Variants in PRKG2 observed in about 807,000 individuals in gnomAD.
The protein encoded by PRKG2 is protein kinase cGMP-dependent 2.
In PRKG2, 33 loss-of-function variants were observed where a neutral mutation model predicts 97.2. That is an observed-to-expected ratio of 0.34 (90% confidence interval 0.26 to 0.45). The LOEUF (loss-of-function observed/expected upper bound fraction) is 0.45, where lower values mean the gene tolerates loss of function less well. PRKG2 is among the 20% of genes least tolerant of loss of function. The probability of loss-of-function intolerance (pLI) is 1.00; values close to 1 mark genes in which losing one functional copy is unlikely to be tolerated. For synonymous variants in PRKG2, 330 were observed against 321.8 expected, an observed-to-expected ratio of 1.03 and a Z score of -0.27; for missense variants, 638 against 900.0, an observed-to-expected ratio of 0.71 and a Z score of 3.73.
intron 2 of PRKG2, among the ~76,000 whole-genome samples, chr4:81,177,873 A>G (rs1035524283): frequency 4.6e-5 from 7 of 152,040 alleles, no homozygotes; most frequent in Non-Finnish European, 7.4e-5. Context: ...GTCATGATCT[A>G]CAAGAGAACA....
intron 2 of PRKG2, chr4:81,175,313 T>C (rs1265867558): frequency 1.1e-5 from 2 of 176,286 alleles, no homozygotes; most frequent in East Asian, 1.6e-4. Flanking sequence ...AGGAGTTGTA[T>C]TTAAGGGACT....
At chr4:81,172,946 C>G (rs1279509494) in intron 3 of PRKG2, among the ~76,000 whole-genome samples, 1 of 152,066 alleles carries the variant, frequency 6.6e-6, no homozygotes, top group Non-Finnish European at 1.5e-5. Flanking sequence ...GCTCCAAATC[C>G]TAGAGGTTAG....
At chr4:81,200,879 G>C (rs1044634249) in intron 2 of PRKG2, among the ~76,000 whole-genome samples, 1 of 152,150 alleles carries the variant, frequency 6.6e-6, no homozygotes, top group Non-Finnish European at 1.5e-5. Flanking sequence ...CAGGCTACAT[G>C]CCCACTGCAT....
chr4:81,209,629 T>C (rs910756416), intron 1 of PRKG2, among the ~76,000 whole-genome samples: 21 of 152,158 alleles, frequency 1.4e-4, no homozygotes, highest in African/African-American at 4.1e-4. Flanking sequence ...TAAATCATGA[T>C]GAAAATTTAG....
At chr4:81,151,712 A>G (rs1262194292) in intron 8 of PRKG2, among the ~76,000 whole-genome samples, 1 of 152,042 alleles carries the variant, frequency 6.6e-6, no homozygotes, top group African/African-American at 2.4e-5. Flanking sequence ...CCCTTTTTTG[A>G]AACTAAAAAG....
intron 2 of PRKG2, among the ~76,000 whole-genome samples, chr4:81,199,693 A>T (rs1753182654): frequency 6.6e-6 from 1 of 152,244 alleles, no homozygotes; most frequent in Non-Finnish European, 1.5e-5. Flanking sequence ...CCATGGAAAC[A>T]TTCCTCTTCA....
chr4:81,205,930 A>T (rs1175768442), intron 1 of PRKG2, among the ~76,000 whole-genome samples: 6 of 152,236 alleles, frequency 3.9e-5, no homozygotes, highest in Non-Finnish European at 8.8e-5. Flanking sequence ...GATTTAGTTT[A>T]TTCAGAACTT....
Position 81,190,264 on chromosome 4 carries a change from A to G in PRKG2, c.461+14323T>C, listed in dbSNP as rs536800345. On this transcript the variant is annotated intron_variant, in intron 2 of 18. Coordinates refer to ENST00000264399, the MANE Select transcript of PRKG2 (RefSeq NM_006259.3). ...AATGGAACAGAACAGAGGCCTCAGA[A>G]ATAGTGCCACACATCTACAACCATC... Among the ~76,000 whole-genome samples the G allele has an allele frequency of 9.3e-4, 141 of 152,320 alleles. 1 individual carries two copies. The highest frequency in any genetic ancestry group is 4.1e-3 in the Admixed American group (62 of 15,292).
At position 81,115,191 on chromosome 4, in the gene PRKG2, A is replaced by G. The variant is rs372331662; in HGVS notation, c.1777-4580T>C. On this transcript the variant is annotated intron_variant, in intron 14 of 18. Transcript: ENST00000264399. ...TCCAACTTTACTAGATATTGCCAAA[A>G]TTTTCCAAAGGGATTGTATGATATT... 3.2e-4 allele frequency among the ~76,000 whole-genome samples: 49 copies of G among 152,224 alleles called. 1 individual carries two copies. Among genetic ancestry groups the G allele is most frequent in the African/African-American group, 1.1e-3 (45 of 41,538 alleles).
At chr4:81,160,853 C>T (rs1433255842) in intron 6 of PRKG2, among the ~76,000 whole-genome samples, 2 of 152,060 alleles carry the variant, frequency 1.3e-5, no homozygotes, top group South Asian at 2.1e-4. Context: ...AAAAGAGCGA[C>T]TAAATATCTC....
At position 81,188,522 on chromosome 4, in the gene PRKG2, G is replaced by C. The variant is rs554013373; in HGVS notation, c.462-13563C>G. 7.7e-3 allele frequency among the ~76,000 whole-genome samples: 1,081 copies of C among 140,828 alleles called. 37 individuals carry two copies. The highest frequency in any genetic ancestry group is 0.032 in the African/African-American group (1,013 of 31,992). The allele number at this position is 140,828 out of a possible 152,430, so 92.4% of individuals were successfully genotyped here. On this transcript the variant is annotated intron_variant, in intron 2 of 18. Coordinates refer to ENST00000264399, the MANE Select transcript of PRKG2 (RefSeq NM_006259.3). The stretch of plus-strand genomic sequence containing the variant: ...ATTTGACCCAGCCATCCCATTACTG[G>C]GTATATACCCAAAGGACTATAAATC...
intron 8 of PRKG2, among the ~76,000 whole-genome samples, 199 bp from the exon 9 acceptor site, chr4:81,149,151 G>T (rs1467054255): frequency 1.3e-5 from 2 of 152,052 alleles, no homozygotes; most frequent in African/African-American, 4.8e-5. Flanking sequence ...TGTACACAAA[G>T]AATTCAGAGG....
At chr4:81,142,531 G>T (rs925292741) in intron 11 of PRKG2, among the ~76,000 whole-genome samples, 1 of 152,072 alleles carries the variant, frequency 6.6e-6, no homozygotes, top group East Asian at 1.9e-4. Context: ...TGCTTACTTA[G>T]TATATTGATA....
intron 7 of PRKG2, among the ~76,000 whole-genome samples, chr4:81,152,561 T>A (rs1381953127): frequency 6.6e-6 from 1 of 152,122 alleles, no homozygotes; most frequent in Non-Finnish European, 1.5e-5. Context: ...CATGGGCATC[T>A]CAAAGCAATC....
At position 81,215,159 on chromosome 4, in the gene PRKG2, C is replaced by T. The variant is rs1348370435; in HGVS notation, c.-237G>A. On this transcript the variant is annotated 5_prime_UTR_variant, in exon 1 of 19. Coordinates refer to ENST00000264399, the MANE Select transcript of PRKG2 (RefSeq NM_006259.3). ...TGTGAGCCGGGGGCGCGGGTTAGCGCGATGCGGGCAGGAGCTGCGGCGGCG... is the reference window on the plus strand; with the variant it reads ...TGTGAGCCGGGGGCGCGGGTTAGCGTGATGCGGGCAGGAGCTGCGGCGGCG... The T allele has an allele frequency of 6.6e-6, 1 of 152,472 alleles. No homozygotes were observed. Among genetic ancestry groups the T allele is most frequent in the East Asian group, 1.9e-4 (1 of 5,176 alleles). 9.4% of individuals were successfully genotyped at this position (152,472 alleles called of 1,614,324 possible). A position where few individuals can be genotyped will look rare whatever the true frequency, so the allele number is the denominator to read the frequency against.
intron 14 of PRKG2, among the ~76,000 whole-genome samples, chr4:81,125,086 G>T (rs1745424766): frequency 2.0e-5 from 3 of 151,952 alleles, no homozygotes; most frequent in Non-Finnish European, 4.4e-5. Context: ...TTACTTAAAT[G>T]TATCTTTCAG....
intron 14 of PRKG2, among the ~76,000 whole-genome samples, chr4:81,128,000 G>A (rs999461216): frequency 2.6e-5 from 4 of 152,118 alleles, no homozygotes; most frequent in East Asian, 1.9e-4. Context: ...TTTGAGATAC[G>A]TTCCATTAAT....
At chr4:81,128,235 G>C (rs1039094910) in intron 14 of PRKG2, among the ~76,000 whole-genome samples, 2 of 152,202 alleles carry the variant, frequency 1.3e-5, no homozygotes, top group Admixed American at 6.5e-5. Flanking sequence ...CGGTTTGCCA[G>C]TACCTTATTG....
chr4:81,104,059 C>T (rs541098588), intron 17 of PRKG2, among the ~76,000 whole-genome samples: 36 of 151,882 alleles, frequency 2.4e-4, no homozygotes, highest in Middle Eastern at 3.4e-3. Context: ...AACAAACAAA[C>T]AAAAAAACCT....
Sources: gnomAD v4.1 joint callset for allele counts (sites outside exome capture counted in the v4.1 genomes callset) on GRCh38, gnomAD v4.1.1 for gene constraint, MANE v1.5 for transcripts, NCBI Gene and HGNC (gene_info 2026-07-23, HGNC 2026-07-21) for gene names.